The following MARK1 variants were observed in gnomAD, a reference collection of about 807,000 sequenced individuals.
The protein encoded by MARK1 is microtubule affinity regulating kinase 1, also known as serine/threonine-protein kinase MARK1.
A neutral mutation model predicts 96.3 loss-of-function variants in MARK1; 40 were observed. The ratio of observed to expected loss-of-function variants is 0.42; its 90% CI spans 0.32 to 0.54. The LOEUF (loss-of-function observed/expected upper bound fraction) is 0.54, where lower values mean the gene tolerates loss of function less well. Among genes scored for constraint, MARK1 ranks in the 20% least tolerant of loss-of-function variants. MARK1 has a pLI of 0.16. For synonymous variants in MARK1, 317 were observed against 341.2 expected, an observed-to-expected ratio of 0.93 and a Z score of 0.78; for missense variants, 719 against 984.6, an observed-to-expected ratio of 0.73 and a Z score of 3.61.
chr1:220,584,008 G>A (rs1572124897), intron 3 of MARK1, among the ~76,000 whole-genome samples: 2 of 151,796 alleles, frequency 1.3e-5, no homozygotes, highest in Admixed American at 6.6e-5. Flanking sequence ...TGAAGGAAAA[G>A]CAAGACAATA....
intron 11 of MARK1, among the ~76,000 whole-genome samples, chr1:220,633,188 C>A (rs1327480516): frequency 6.6e-6 from 1 of 152,134 alleles, no homozygotes; most frequent in African/African-American, 2.4e-5. Context: ...GACTCAAATA[C>A]CTCCCTCTAG....
At chr1:220,567,039 C>G (rs1281166891) in intron 1 of MARK1, among the ~76,000 whole-genome samples, 1 of 152,044 alleles carries the variant, frequency 6.6e-6, no homozygotes, top group Non-Finnish European at 1.5e-5. Context: ...TCCTTAGTAT[C>G]TTGAGTTTGT....
At chr1:220,589,568 A>G (rs2210977) in intron 3 of MARK1, among the ~76,000 whole-genome samples, 142,951 of 152,242 alleles carry the variant, frequency 0.94, 67,826 homozygotes, top group East Asian at 1. Context: ...GGAAACAAAG[A>G]CCTCTGAACA....
intron 15 of MARK1, 36 bp downstream of exon 15, chr1:220,652,186 G>T (rs367964465): frequency 9.8e-6 from 15 of 1,527,244 alleles, no homozygotes; most frequent in Non-Finnish European, 1.3e-5. Context: ...TGTTCATTAA[G>T]AGTTTCTAAA....
At chr1:220,552,426 A>G (rs910064914) in intron 1 of MARK1, among the ~76,000 whole-genome samples, 4 of 152,186 alleles carry the variant, frequency 2.6e-5, no homozygotes, top group African/African-American at 9.7e-5. Flanking sequence ...TGCATCCTGG[A>G]ATATATTACC....
intron 1 of MARK1, among the ~76,000 whole-genome samples, chr1:220,551,243 A>G (rs1018652053): frequency 6.6e-6 from 1 of 152,230 alleles, no homozygotes; most frequent in Non-Finnish European, 1.5e-5. Flanking sequence ...AACATCAGCT[A>G]TGTCAAGCGT....
At chr1:220,574,135 C>G (rs1455189021) in intron 1 of MARK1, among the ~76,000 whole-genome samples, 3 of 152,116 alleles carry the variant, frequency 2.0e-5, no homozygotes. Context: ...TATTTACATA[C>G]TGGACATTTT....
intron 2 of MARK1, among the ~76,000 whole-genome samples, chr1:220,580,155 C>T (rs1216853001): frequency 4.0e-5 from 6 of 151,710 alleles, no homozygotes; most frequent in Non-Finnish European, 8.8e-5. Flanking sequence ...TATTATATAA[C>T]GTTTACTAGA....
chr1:220,602,230 A>AT (rs1412455935), intron 5 of MARK1, among the ~76,000 whole-genome samples: 13 of 152,196 alleles, frequency 8.5e-5, no homozygotes, highest in Admixed American at 7.2e-4. Flanking sequence ...AATCAAAGAA[A>AT]TCTTTTTTTT....
At chr1:220,581,867 T>C (rs1194212392) in intron 3 of MARK1, among the ~76,000 whole-genome samples, 1 of 152,208 alleles carries the variant, frequency 6.6e-6, no homozygotes, top group Admixed American at 6.5e-5. Context: ...ATGCACATTT[T>C]AGTACTTTAA....
chr1:220,661,280 A>G (rs1669469022), intron 17 of MARK1, among the ~76,000 whole-genome samples: 1 of 152,218 alleles, frequency 6.6e-6, no homozygotes, highest in African/African-American at 2.4e-5. Flanking sequence ...ATGAGAAGTC[A>G]CTGGAGGACA....
intron 1 of MARK1, among the ~76,000 whole-genome samples, chr1:220,544,317 G>A (rs1247379843): frequency 6.6e-6 from 1 of 152,168 alleles, no homozygotes; most frequent in Non-Finnish European, 1.5e-5. Context: ...GGGAGATGGG[G>A]CCTAATAAGA....
chr1:220,601,428 T>C (rs1292136596), intron 5 of MARK1, among the ~76,000 whole-genome samples: 1 of 152,066 alleles, frequency 6.6e-6, no homozygotes, highest in Non-Finnish European at 1.5e-5. Flanking sequence ...AAAACAGCCA[T>C]GTAAATTTCC....
At chr1:220,548,339 A>C (rs981406284) in intron 1 of MARK1, among the ~76,000 whole-genome samples, 17 of 152,242 alleles carry the variant, frequency 1.1e-4, no homozygotes, top group African/African-American at 4.1e-4. Flanking sequence ...TATATTAGGA[A>C]ATAATTACTG....
chr1:220,590,722 A>C (rs182527294), intron 3 of MARK1, among the ~76,000 whole-genome samples: 2 of 152,142 alleles, frequency 1.3e-5, no homozygotes, highest in Admixed American at 6.5e-5. Context: ...CATGTAAAAC[A>C]TCCTAATGTT....
At chr1:220,622,316 C>A (rs1435803925) in intron 9 of MARK1, among the ~76,000 whole-genome samples, 2 of 152,118 alleles carry the variant, frequency 1.3e-5, no homozygotes, top group African/African-American at 4.8e-5. Flanking sequence ...AAAATTTGAG[C>A]CTGAAGCAAA....
At chr1:220,539,115 A>G (rs1330785388) in intron 1 of MARK1, among the ~76,000 whole-genome samples, 5 of 151,406 alleles carry the variant, frequency 3.3e-5, no homozygotes, top group African/African-American at 1.2e-4. Flanking sequence ...GTTGAATAGG[A>G]GTGGTGAGAG....
At chr1:220,632,866 A>C (rs1350713885) in intron 11 of MARK1, among the ~76,000 whole-genome samples, 1 of 152,208 alleles carries the variant, frequency 6.6e-6, no homozygotes, top group African/African-American at 2.4e-5. Context: ...TATGTTAGTC[A>C]GTTTTGCATT....
intron 16 of MARK1, among the ~76,000 whole-genome samples, chr1:220,655,787 C>T (rs1489881784): frequency 1.3e-5 from 2 of 152,172 alleles, no homozygotes; most frequent in Non-Finnish European, 2.9e-5. Flanking sequence ...CCCTGATTAG[C>T]TTTCACCTTG....
Sources: allele counts gnomAD v4.1 joint callset (sites outside exome capture counted in the v4.1 genomes callset), GRCh38; gene constraint gnomAD v4.1.1; transcripts MANE v1.5; gene names NCBI Gene and HGNC (gene_info 2026-07-23, HGNC 2026-07-21).